ADAMTSL1: variants seen among roughly 807,000 people sequenced by gnomAD.
ADAMTSL1 encodes ADAMTS like 1.
Under a neutral mutation model 201.8 loss-of-function variants are expected in ADAMTSL1, and 126 were observed. The ratio of observed to expected loss-of-function variants is 0.62; its 90% CI spans 0.54 to 0.72. The LOEUF (loss-of-function observed/expected upper bound fraction) is 0.72, where lower values mean the gene tolerates loss of function less well. Ranked by LOEUF, ADAMTSL1 falls within the 30% of genes least tolerant of loss-of-function variation. The pLI, the probability that ADAMTSL1 is intolerant of heterozygous loss-of-function variation, is 0.00. For synonymous variants in ADAMTSL1, 1,121 were observed against 903.4 expected, an observed-to-expected ratio of 1.24 and a Z score of -4.32; for missense variants, 2,679 against 2,277.8, an observed-to-expected ratio of 1.18 and a Z score of -3.59.
intron 5 of ADAMTSL1, among the ~76,000 whole-genome samples, chr9:18,627,803 C>A (rs4355867): frequency 3.0e-4 from 45 of 152,268 alleles, no homozygotes; most frequent in African/African-American, 1.1e-3. Flanking sequence ...TCCCCCTTGC[C>A]ACATAATATT....
chr9:18,564,429 A>G (rs1347563064), intron 3 of ADAMTSL1, among the ~76,000 whole-genome samples: 2 of 151,708 alleles, frequency 1.3e-5, no homozygotes, highest in African/African-American at 4.9e-5. Context: ...TCTCGCTGGG[A>G]GCTGCAGACC....
chr9:18,532,103 A>G (rs929797740), intron 2 of ADAMTSL1, among the ~76,000 whole-genome samples: 6 of 152,350 alleles, frequency 3.9e-5, no homozygotes, highest in East Asian at 1.9e-4. Context: ...TTTGTAGTGT[A>G]TCTTTACTTT....
chr9:17,919,274 A>T (rs1826216995), intron 1 of ADAMTSL1, among the ~76,000 whole-genome samples: 1 of 151,760 alleles, frequency 6.6e-6, no homozygotes, highest in African/African-American at 2.4e-5. Context: ...AAAAAAAAAA[A>T]GCTTTATTGA....
intron 2 of ADAMTSL1, among the ~76,000 whole-genome samples, chr9:18,442,511 G>T (rs1239864514): frequency 6.6e-6 from 1 of 152,156 alleles, no homozygotes; most frequent in Non-Finnish European, 1.5e-5. Context: ...AAGCAGTTCA[G>T]TTGGATGTAT....
At chr9:17,992,694 C>T (rs920429829) in intron 1 of ADAMTSL1, among the ~76,000 whole-genome samples, 1 of 152,166 alleles carries the variant, frequency 6.6e-6, no homozygotes, top group African/African-American at 2.4e-5. Context: ...CACCACTGCA[C>T]TGCAGCCTGG....
At chr9:18,504,763 T>G (rs1823028522) in intron 1 of ADAMTSL1, 66 bp from the exon 2 acceptor site, 2 of 1,612,064 alleles carry the variant, frequency 1.2e-6, no homozygotes, top group Non-Finnish European at 1.7e-6. Context: ...GCCAGTCACA[T>G]TTTAGAACAC....
chr9:18,537,918 G>A (rs1819886969), intron 3 of ADAMTSL1, among the ~76,000 whole-genome samples: 1 of 143,880 alleles, frequency 7.0e-6, no homozygotes, highest in Admixed American at 7.0e-5. Flanking sequence ...AAGAAGAAGA[G>A]AAGAAAGAAG....
chr9:18,214,892 T>C (rs1456737666), intron 2 of ADAMTSL1, among the ~76,000 whole-genome samples: 3 of 152,192 alleles, frequency 2.0e-5, no homozygotes, highest in Non-Finnish European at 1.5e-5. Flanking sequence ...CTGAATACAC[T>C]TTCTGTAGAC....
At chr9:18,402,253 C>G (rs1052991446) in intron 2 of ADAMTSL1, among the ~76,000 whole-genome samples, 2 of 152,138 alleles carry the variant, frequency 1.3e-5, no homozygotes, top group African/African-American at 4.8e-5. Flanking sequence ...AAGAAGAAAC[C>G]CTTTAAGCCT....
chr9:18,140,111 C>G (rs1473424922), intron 1 of ADAMTSL1, among the ~76,000 whole-genome samples: 1 of 152,054 alleles, frequency 6.6e-6, no homozygotes, highest in African/African-American at 2.4e-5. Flanking sequence ...ACTGGGGATG[C>G]AAAGCTAAGC....
At chr9:18,807,398 A>T (rs2131123463) in intron 20 of ADAMTSL1, among the ~76,000 whole-genome samples, 1 of 152,130 alleles carries the variant, frequency 6.6e-6, no homozygotes. Flanking sequence ...AAATCCCAGC[A>T]CTCTGGGAGG....
At chr9:18,031,501 A>G (rs1388239203) in intron 1 of ADAMTSL1, among the ~76,000 whole-genome samples, 1 of 152,082 alleles carries the variant, frequency 6.6e-6, no homozygotes, top group Non-Finnish European at 1.5e-5. Context: ...GTTTGTTCAT[A>G]TAATTCAGGC....
At chr9:17,992,788 C>T (rs188917046) in intron 1 of ADAMTSL1, among the ~76,000 whole-genome samples, 19 of 152,220 alleles carry the variant, frequency 1.2e-4, no homozygotes, top group East Asian at 5.8e-4. Flanking sequence ...CTATAACTTA[C>T]GAGAAGAAAA....
rs570871981 is a variant in ADAMTSL1, at chr9:17,907,204, G to A, written c.87+282G>A. ...TCCTGCTTCCAGCCAGGCAGAGCCG[G>A]GGCGAGAAGGCGGCGCCTGAGCTGG... On this transcript the variant is annotated intron_variant, in intron 1 of 29. Coordinates refer to the ADAMTSL1 transcript ENST00000680146. Among the ~76,000 whole-genome samples, 7 of 152,286 alleles carry A rather than the reference G, an allele frequency of 4.6e-5. No homozygotes were observed. The South Asian group carries it at 1.0e-3, about 23-fold the overall frequency.
intron 1 of ADAMTSL1, among the ~76,000 whole-genome samples, chr9:17,977,024 G>A (rs1379109632): frequency 2.6e-5 from 4 of 151,936 alleles, no homozygotes; most frequent in African/African-American, 9.7e-5. Context: ...TTTGTTGAGA[G>A]TTTTTATTAT....
intron 2 of ADAMTSL1, among the ~76,000 whole-genome samples, chr9:18,211,025 A>G (rs1336997673): frequency 3.9e-5 from 6 of 152,018 alleles, no homozygotes; most frequent in Non-Finnish European, 8.8e-5. Context: ...AGGAAGTGAT[A>G]TTTAAGCCAT....
chr9:18,032,964 G>T (rs950603316), intron 1 of ADAMTSL1, among the ~76,000 whole-genome samples: 2 of 152,040 alleles, frequency 1.3e-5, no homozygotes, highest in African/African-American at 4.8e-5. Context: ...GCTGTTTTCT[G>T]TCAAAAGATC....
intron 13 of ADAMTSL1, among the ~76,000 whole-genome samples, chr9:18,689,823 G>T (rs550133084): frequency 3.7e-4 from 57 of 152,278 alleles, no homozygotes; most frequent in Middle Eastern, 3.4e-3. Flanking sequence ...TTTTTTCAAA[G>T]GTAGGATTGG....
At chr9:18,240,779 A>T (rs1831030794) in intron 2 of ADAMTSL1, among the ~76,000 whole-genome samples, 1 of 152,130 alleles carries the variant, frequency 6.6e-6, no homozygotes, top group Non-Finnish European at 1.5e-5. Context: ...TTCATCAGTG[A>T]TCTTAGTTAG....
Sources: allele counts gnomAD v4.1 joint callset (sites outside exome capture counted in the v4.1 genomes callset), GRCh38; gene constraint gnomAD v4.1.1; transcripts MANE v1.5; gene names NCBI Gene and HGNC (gene_info 2026-07-23, HGNC 2026-07-21).